Variants in CSMD1 observed in about 807,000 individuals in gnomAD.
The protein encoded by CSMD1 is CUB and sushi domain-containing protein 1.
CSMD1 carries 213 observed loss-of-function variants against 417.5 expected under a neutral mutation model. That is an observed-to-expected ratio of 0.51 (90% CI 0.46 to 0.57). The LOEUF (loss-of-function observed/expected upper bound fraction) is 0.57. CSMD1 is among the 20% of genes least tolerant of loss of function. CSMD1 has a pLI of 0.00. For synonymous variants in CSMD1, 2,862 were observed against 1,736.8 expected (o/e 1.65, Z -16.11); for missense variants, 6,923 against 4,529.7 (o/e 1.53, Z -15.17).
At chr8:4,709,634 C>T (rs1808166646) in intron 1 of CSMD1, among the ~76,000 whole-genome samples, 1 of 152,134 alleles carries the variant, frequency 6.6e-6, no homozygotes, top group Non-Finnish European at 1.5e-5. Context: ...TGGCCAGGAG[C>T]CCAAGACTAC....
intron 3 of CSMD1, among the ~76,000 whole-genome samples, chr8:4,340,738 T>G (rs549735641): frequency 8.5e-5 from 13 of 152,180 alleles, no homozygotes; most frequent in African/African-American, 2.6e-4. Context: ...AACTGAAAAT[T>G]TATTTTCAGC....
In CSMD1 at chr8:4,311,283, A is replaced by C. The variant is rs184489080; in HGVS notation, c.415+108670T>G. 1.4e-3 allele frequency among the ~76,000 whole-genome samples: 218 copies of C among 152,348 alleles called. 3 individuals carry two copies. The highest frequency in any genetic ancestry group is 2.6e-3 in the Non-Finnish European group (179 of 68,040). On this transcript the variant is annotated intron_variant, in intron 3 of 69. Transcript: ENST00000635120. The stretch of plus-strand genomic sequence containing the variant: ...ATCAATGACAGATTAGATAAAGAAA[A>C]TGTGGCACATGTACACCATGGAATA...
chr8:3,509,133 C>G (rs1166732809), intron 10 of CSMD1, among the ~76,000 whole-genome samples: 2 of 152,092 alleles, frequency 1.3e-5, no homozygotes, highest in Non-Finnish European at 2.9e-5. Context: ...AGAATTTACT[C>G]TAAGTATTCA....
chr8:4,951,448 GGAAGGAAGGAAA>G (rs1808739188), intron 1 of CSMD1, among the ~76,000 whole-genome samples: 1 of 148,148 alleles, frequency 6.8e-6, no homozygotes, highest in African/African-American at 2.5e-5. Context: ...AAAGAGGGAA[GGAAGGAAGGAAA>G]GAAGGAAGGA....
At chr8:3,786,235 A>T (rs904433889) in intron 5 of CSMD1, among the ~76,000 whole-genome samples, 1 of 152,116 alleles carries the variant, frequency 6.6e-6, no homozygotes, top group Non-Finnish European at 1.5e-5. Context: ...TGTCGCTAAG[A>T]CATTGTCGGG....
rs187197103 is a variant in CSMD1 at position 4,029,805 on chromosome 8, C to A, written c.610+2100G>T. Among the ~76,000 whole-genome samples, 766 of 152,248 alleles carry A rather than the reference C, an allele frequency of 5.0e-3. 2 individuals carry two copies. Among genetic ancestry groups the A allele is most frequent in the Non-Finnish European group, 8.6e-3 (587 of 68,022 alleles). ...AAAACAAGTATCTTCCTCTTATGAA[C>A]CTGTATAATAAAATACAAGCTAGTT... On this transcript the variant is annotated intron_variant, in intron 4 of 69. Coordinates refer to ENST00000635120, the MANE Select transcript of CSMD1 (RefSeq NM_033225.6).
intron 2 of CSMD1, among the ~76,000 whole-genome samples, chr8:4,465,606 A>C (rs544754983): frequency 6.6e-6 from 1 of 152,172 alleles, no homozygotes; most frequent in Non-Finnish European, 1.5e-5. Flanking sequence ...TCAGACGTTG[A>C]GGATTATTAA....
At chr8:3,851,337 G>C (rs1386001505) in intron 5 of CSMD1, among the ~76,000 whole-genome samples, 2 of 152,196 alleles carry the variant, frequency 1.3e-5, no homozygotes, top group African/African-American at 4.8e-5. Flanking sequence ...ATTCCAACTT[G>C]ATAGCCCATC....
chr8:4,668,023 T>C (rs893376932), intron 1 of CSMD1, among the ~76,000 whole-genome samples: 3 of 152,238 alleles, frequency 2.0e-5, no homozygotes, highest in Non-Finnish European at 2.9e-5. Context: ...ATAGCGATTC[T>C]ACATGAAATA....
chr8:4,348,146 T>A (rs1379762822), intron 3 of CSMD1, among the ~76,000 whole-genome samples: 1 of 152,180 alleles, frequency 6.6e-6, no homozygotes. Context: ...GAAGACCTTT[T>A]CGGTTTTTAA....
At chr8:4,175,993 G>A (rs1174034743) in intron 3 of CSMD1, among the ~76,000 whole-genome samples, 3 of 152,276 alleles carry the variant, frequency 2.0e-5, no homozygotes, top group Non-Finnish European at 2.9e-5. Context: ...CTCTGTCCTT[G>A]AGAGGCTAGC....
At chr8:4,484,232 G>A (rs1801248693) in intron 2 of CSMD1, among the ~76,000 whole-genome samples, 1 of 150,226 alleles carries the variant, frequency 6.7e-6, no homozygotes, top group South Asian at 2.1e-4. Flanking sequence ...CTTTCTGATT[G>A]TTTTCAAAAA....
chr8:3,556,781 T>C (rs967089574), intron 10 of CSMD1, among the ~76,000 whole-genome samples: 7 of 152,184 alleles, frequency 4.6e-5, no homozygotes, highest in African/African-American at 1.4e-4. Flanking sequence ...CCTCTGATCA[T>C]AGAAAGACTG....
chr8:3,565,814 A>C (rs35795165), intron 10 of CSMD1, among the ~76,000 whole-genome samples: 60,331 of 151,258 alleles, frequency 0.4, 12,249 homozygotes, highest in Middle Eastern at 0.49. Flanking sequence ...TCTCTCAAAT[A>C]TATTGTTTTT....
intron 7 of CSMD1, among the ~76,000 whole-genome samples, chr8:3,677,477 G>C (rs887411566): frequency 1.3e-5 from 2 of 152,194 alleles, no homozygotes; most frequent in Non-Finnish European, 2.9e-5. Flanking sequence ...GCACAGATCT[G>C]AGCACCACAG....
At chr8:4,361,916 C>G (rs551666107) in intron 3 of CSMD1, among the ~76,000 whole-genome samples, 2 of 152,218 alleles carry the variant, frequency 1.3e-5, no homozygotes, top group South Asian at 4.1e-4. Flanking sequence ...GTTCACTCCA[C>G]TGCACGCCAA....
chr8:3,100,519 C>A (rs920933685), intron 46 of CSMD1, among the ~76,000 whole-genome samples: 1 of 152,162 alleles, frequency 6.6e-6, no homozygotes, highest in Non-Finnish European at 1.5e-5. Context: ...TTCTTAGCAG[C>A]AATCACACAT....
chr8:4,507,057 C>G (rs1802567288), intron 2 of CSMD1, among the ~76,000 whole-genome samples: 1 of 152,000 alleles, frequency 6.6e-6, no homozygotes. Flanking sequence ...AGGAAATAAA[C>G]ACATATTTAG....
chr8:4,491,141 C>T (rs1236315540), intron 2 of CSMD1, among the ~76,000 whole-genome samples: 1 of 152,060 alleles, frequency 6.6e-6, no homozygotes, highest in Non-Finnish European at 1.5e-5. Context: ...CTACAACAAA[C>T]CCCCAAGACA....
Sources: gnomAD v4.1 joint callset for allele counts (sites outside exome capture counted in the v4.1 genomes callset) on GRCh38, gnomAD v4.1.1 for gene constraint, MANE v1.5 for transcripts, NCBI Gene and HGNC (gene_info 2026-07-23, HGNC 2026-07-21) for gene names.